The following SLC9A7 variants were observed in gnomAD, a reference collection of about 807,000 sequenced individuals.
SLC9A7 encodes solute carrier family 9 member A7.
In SLC9A7, 19 loss-of-function variants were observed where a neutral mutation model predicts 52.6. The observed-to-expected ratio is 0.36, with a 90% CI of 0.25 to 0.53. The LOEUF (loss-of-function observed/expected upper bound fraction) is 0.53, where lower values mean the gene tolerates loss of function less well. SLC9A7 is among the 20% of genes least tolerant of loss of function. The pLI, the probability that SLC9A7 is intolerant of heterozygous loss-of-function variation, is 0.91. For synonymous variants in SLC9A7, 226 were observed against 252.1 expected (o/e 0.90, Z 0.98); for missense variants, 455 against 597.9 (o/e 0.76, Z 2.49).
chrX:46,722,100 T>G (rs1328330333), intron 1 of SLC9A7, among the ~76,000 whole-genome samples: 2 of 109,399 alleles, frequency 1.8e-5, no homozygotes, highest in African/African-American at 3.3e-5. Context: ...GGTGTGGGGG[T>G]GTGTGTGTGT....
intron 1 of SLC9A7, among the ~76,000 whole-genome samples, chrX:46,737,215 C>T (rs1945135375): frequency 8.9e-6 from 1 of 111,805 alleles, no homozygotes; most frequent in African/African-American, 3.3e-5. Context: ...AGCCAAGACA[C>T]AGGAAAAACT....
intron 1 of SLC9A7, among the ~76,000 whole-genome samples, chrX:46,689,508 C>T (rs1944350076): frequency 9.0e-6 from 1 of 111,312 alleles, no homozygotes; most frequent in South Asian, 3.8e-4. Context: ...AAGGTAAATA[C>T]CCAGAGTGGG....
intron 1 of SLC9A7, among the ~76,000 whole-genome samples, chrX:46,698,061 C>A (rs1302543886): frequency 8.9e-6 from 1 of 111,889 alleles, no homozygotes; most frequent in African/African-American, 3.3e-5. Context: ...GATCTCAAAA[C>A]CCTGTCTCCT....
At chrX:46,685,838 G>C (rs1383695179) in intron 1 of SLC9A7, 2 of 111,985 alleles carry the variant, frequency 1.8e-5, no homozygotes, top group Non-Finnish European at 3.8e-5. Flanking sequence ...CAGCTATTTG[G>C]AACATGATTT....
intron 3 of SLC9A7, among the ~76,000 whole-genome samples, chrX:46,678,783 C>T (rs1019640074): frequency 6.3e-5 from 7 of 111,586 alleles, no homozygotes; most frequent in Middle Eastern, 4.6e-3. Context: ...ACATAAGTTG[C>T]AAAGATTAAG....
chrX:46,721,290 A>G (rs1042495652), intron 1 of SLC9A7, among the ~76,000 whole-genome samples: 19 of 111,955 alleles, frequency 1.7e-4, no homozygotes, highest in African/African-American at 5.8e-4. Flanking sequence ...AAGAGACTTC[A>G]TTAGTAATTA....
At chrX:46,719,454 T>C (rs1466312618) in intron 1 of SLC9A7, among the ~76,000 whole-genome samples, 2 of 111,299 alleles carry the variant, frequency 1.8e-5, no homozygotes, top group Middle Eastern at 4.2e-3. Flanking sequence ...AAAAAAAATT[T>C]ATCCAACTGA....
intron 12 of SLC9A7, among the ~76,000 whole-genome samples, chrX:46,642,616 C>T (rs978321707): frequency 8.9e-6 from 1 of 111,994 alleles, no homozygotes; most frequent in African/African-American, 3.3e-5. Flanking sequence ...GATGCTGGAG[C>T]TCACAAACAC....
chrX:46,671,581 T>A (rs1837584722), intron 4 of SLC9A7, among the ~76,000 whole-genome samples: 1 of 112,084 alleles, frequency 8.9e-6, no homozygotes, highest in South Asian at 3.7e-4. Context: ...ACTTTGCTCA[T>A]TTTTGATGAC....
intron 16 of SLC9A7, among the ~76,000 whole-genome samples, chrX:46,611,861 T>C (rs1942855899): frequency 9.0e-6 from 1 of 111,582 alleles, no homozygotes; most frequent in Admixed American, 9.5e-5. Context: ...GCCCTTCTCT[T>C]CCGCCCCAGC....
intron 4 of SLC9A7, among the ~76,000 whole-genome samples, chrX:46,670,017 G>C (rs902648716): frequency 8.9e-6 from 1 of 112,046 alleles, no homozygotes; most frequent in Non-Finnish European, 1.9e-5. Context: ...GGCATTTGAC[G>C]CAACTGGGTA....
intron 16 of SLC9A7, among the ~76,000 whole-genome samples, chrX:46,613,049 C>T (rs1181061035): frequency 1.8e-5 from 2 of 108,701 alleles, no homozygotes; most frequent in African/African-American, 3.3e-5. Context: ...GATTCCAAAT[C>T]CAGTGTTCTT....
rs764006458 is a variant in SLC9A7, at chrX:46,738,227, T to G, written c.325+20478A>C. On this transcript the variant is annotated intron_variant, in intron 1 of 16. Coordinates refer to ENST00000616978, the MANE Select transcript of SLC9A7 (RefSeq NM_001257291.2). ...TATAATTCAAAGACAGAACTTGTTT[T>G]CGTTAACTTATATGTTCTTGTAACA... is the stretch of plus-strand genomic sequence containing the variant. 1.7e-4 allele frequency among the ~76,000 whole-genome samples: 19 copies of G among 112,347 alleles called. No individual in the cohort carries two copies. In the East Asian group the frequency reaches 5.3e-3, roughly 31 times the overall value.
At chrX:46,672,744 C>A in intron 3 of SLC9A7, 117 bp from the exon 4 acceptor site, 3 of 501,163 alleles carry the variant, frequency 6.0e-6, no homozygotes, top group Non-Finnish European at 6.7e-6. Context: ...TCCATTACAT[C>A]AAGTAACAAC....
intron 1 of SLC9A7, 50 bp downstream of exon 1, chrX:46,758,655 C>A: frequency 1.1e-6 from 1 of 896,891 alleles, no homozygotes; most frequent in Non-Finnish European, 1.5e-6. Flanking sequence ...CCAGGAGGAG[C>A]GCGGCGGCCG....
rs1944542108 is a variant in SLC9A7 at position 46,702,240 on chromosome X, T to G, written c.326-19705A>C. 2.7e-5 allele frequency among the ~76,000 whole-genome samples: 3 copies of G among 111,907 alleles called. No individual in the cohort carries two copies. In the South Asian group the frequency reaches 1.1e-3, roughly 42 times the overall value. On this transcript the variant is annotated intron_variant, in intron 1 of 16. Transcript: ENST00000616978. ...GCACTTTCTGGATAATTTCTTCAGA[T>G]CCACTGTTCAGTTCACCAGTTCTCT... is the stretch of plus-strand genomic sequence containing the variant.
chrX:46,735,942 T>C (rs1422881950), intron 1 of SLC9A7, among the ~76,000 whole-genome samples: 1 of 111,664 alleles, frequency 9.0e-6, no homozygotes, highest in African/African-American at 3.3e-5. Flanking sequence ...TTTTAAGCAG[T>C]TCAAATGTGA....
chrX:46,663,708 C>T (rs1036799708), intron 5 of SLC9A7, among the ~76,000 whole-genome samples: 2 of 107,751 alleles, frequency 1.9e-5, no homozygotes. Flanking sequence ...CGCCTGTAAT[C>T]CCAGCACTTT....
intron 14 of SLC9A7, 78 bp from the exon 15 acceptor site, chrX:46,621,137 T>G (rs1602141217): frequency 1.7e-6 from 1 of 591,597 alleles, no homozygotes; most frequent in South Asian, 2.8e-5. Context: ...CCTTTTTTAA[T>G]AACTTGTATA....
Sources: allele counts gnomAD v4.1 joint callset (sites outside exome capture counted in the v4.1 genomes callset), GRCh38; gene constraint gnomAD v4.1.1; transcripts MANE v1.5; gene names NCBI Gene and HGNC (gene_info 2026-07-23, HGNC 2026-07-21).